The following ADCY2 variants were observed in gnomAD, a reference collection of about 807,000 sequenced individuals.
ADCY2 encodes adenylate cyclase 2, also known as adenylate cyclase type 2.
ADCY2 carries 31 observed loss-of-function variants against 125.2 expected under a neutral mutation model. That is an observed-to-expected ratio of 0.25 (90% confidence interval 0.19 to 0.33). The LOEUF (loss-of-function observed/expected upper bound fraction) is 0.33, where lower values mean the gene tolerates loss of function less well. Ranked by LOEUF, ADCY2 falls within the 10% of genes least tolerant of loss-of-function variation. ADCY2 has a pLI of 1.00. For synonymous variants in ADCY2, 512 were observed against 548.4 expected (o/e 0.93, Z 0.93); for missense variants, 904 against 1,418.2 (o/e 0.64, Z 5.82).
At position 7,703,596 on chromosome 5, in the gene ADCY2, G is replaced by A. The variant is rs907031444; in HGVS notation, c.1110-3148G>A. On this transcript the variant is annotated intron_variant, in intron 7 of 24. Coordinates refer to ENST00000338316, the MANE Select transcript of ADCY2 (RefSeq NM_020546.3). ...TCCGTTGGTCTATATCTCTGTTTTC[G>A]TACCAGTACCATGCTGTTTTGGTTA... Among the ~76,000 whole-genome samples the A allele has an allele frequency of 9.7e-4, 147 of 152,086 alleles. 3 individuals carry two copies. The highest frequency in any genetic ancestry group is 3.4e-3 in the African/African-American group (139 of 41,468).
At chr5:7,455,936 G>A (rs1741653142) in intron 2 of ADCY2, among the ~76,000 whole-genome samples, 1 of 148,818 alleles carries the variant, frequency 6.7e-6, no homozygotes, top group South Asian at 2.1e-4. Flanking sequence ...TATTAGGAAA[G>A]CATAGTAGGA....
At chr5:7,595,418 A>AT (rs556640694) in intron 3 of ADCY2, among the ~76,000 whole-genome samples, 2 of 152,182 alleles carry the variant, frequency 1.3e-5, no homozygotes, top group African/African-American at 2.4e-5. Context: ...ATTTAAATCT[A>AT]TTTTTTCCAA....
chr5:7,490,163 T>C (rs1743106569), intron 2 of ADCY2, among the ~76,000 whole-genome samples: 4 of 152,224 alleles, frequency 2.6e-5, no homozygotes, highest in Admixed American at 2.6e-4. Context: ...GATTAAAATA[T>C]ACATAATTGA....
At chr5:7,675,143 G>A in intron 4 of ADCY2, among the ~76,000 whole-genome samples, 1 of 149,424 alleles carries the variant, frequency 6.7e-6, no homozygotes, top group East Asian at 2.0e-4. Flanking sequence ...GGGTGAAAGA[G>A]TGATACTCTG....
intron 4 of ADCY2, among the ~76,000 whole-genome samples, chr5:7,682,937 C>T (rs1345877028): frequency 2.6e-5 from 4 of 152,178 alleles, no homozygotes; most frequent in Non-Finnish European, 5.9e-5. Flanking sequence ...CTTTTAGAGA[C>T]ATGACCTCTG....
At chr5:7,561,940 C>T (rs987653344) in intron 3 of ADCY2, among the ~76,000 whole-genome samples, 5 of 152,126 alleles carry the variant, frequency 3.3e-5, no homozygotes, top group East Asian at 1.9e-4. Flanking sequence ...TCAGGAATAT[C>T]GTATTGCACA....
rs143163059 is a variant in ADCY2 at position 7,704,125 on chromosome 5, G to C, written c.1110-2619G>C. On this transcript the variant is annotated intron_variant, in intron 7 of 24. Coordinates refer to ENST00000338316, the MANE Select transcript of ADCY2 (RefSeq NM_020546.3). The stretch of plus-strand genomic sequence containing the variant: ...CATCCTCTCTCCCATGCAAGGATGT[G>C]CATTTCCATTCCCATTCATTGAGCC... 1.7e-3 allele frequency among the ~76,000 whole-genome samples: 256 copies of C among 152,230 alleles called. 3 individuals carry two copies. Among genetic ancestry groups the C allele is most frequent in the African/African-American group, 5.8e-3 (239 of 41,490 alleles).
At chr5:7,698,214 A>T (rs1740957277) in intron 6 of ADCY2, 33 bp from the exon 7 acceptor site, 3 of 1,612,606 alleles carry the variant, frequency 1.9e-6, no homozygotes, top group Non-Finnish European at 2.5e-6. Flanking sequence ...CAAGTGCTTA[A>T]TGCAACTGAA....
At chr5:7,535,500 A>G (rs886305551) in intron 3 of ADCY2, among the ~76,000 whole-genome samples, 15 of 152,318 alleles carry the variant, frequency 9.8e-5, no homozygotes. Flanking sequence ...TTCTTGTTGC[A>G]TTCACCATCT....
chr5:7,676,723 T>A (rs1425979361), intron 4 of ADCY2, among the ~76,000 whole-genome samples: 2 of 152,234 alleles, frequency 1.3e-5, no homozygotes, highest in Non-Finnish European at 2.9e-5. Context: ...ATAATTTGCG[T>A]ATTCACCCTA....
chr5:7,620,430 G>A (rs2126652387), intron 3 of ADCY2, among the ~76,000 whole-genome samples: 1 of 152,252 alleles, frequency 6.6e-6, no homozygotes, highest in South Asian at 2.1e-4. Flanking sequence ...CTCATTTGGA[G>A]GGACTTCAAA....
intron 7 of ADCY2, among the ~76,000 whole-genome samples, chr5:7,702,933 G>T (rs1365052860): frequency 1.3e-5 from 2 of 152,330 alleles, no homozygotes; most frequent in Admixed American, 1.3e-4. Flanking sequence ...ACTGGTGTGA[G>T]TTGGTATCTC....
chr5:7,443,819 G>A (rs1297816715), intron 2 of ADCY2, among the ~76,000 whole-genome samples: 1 of 151,748 alleles, frequency 6.6e-6, no homozygotes, highest in Non-Finnish European at 1.5e-5. Context: ...AAATACATAG[G>A]GTCGGAATAT....
rs148679721 is a variant in ADCY2 at position 7,482,078 on chromosome 5, TCCTGA to T, written c.409-38658_409-38654del. On this transcript the variant is annotated intron_variant, in intron 2 of 24. Coordinates refer to ENST00000338316, the MANE Select transcript of ADCY2 (RefSeq NM_020546.3). ...AGTCTGTCACTATGTGTATTTTCCC[TCCTGA>T]CTCAGAAATGGTATAAGATTTAAAT... 6.5e-3 allele frequency among the ~76,000 whole-genome samples: 983 copies of T among 152,306 alleles called. 6 individuals are homozygous for T. Among genetic ancestry groups the T allele is most frequent in the African/African-American group, 0.023 (956 of 41,566 alleles).
At chr5:7,668,909 A>G (rs1739842847) in intron 4 of ADCY2, among the ~76,000 whole-genome samples, 1 of 152,220 alleles carries the variant, frequency 6.6e-6, no homozygotes, top group Non-Finnish European at 1.5e-5. Context: ...CCATAGCTCC[A>G]GTCTTTACTA....
chr5:7,443,636 T>G (rs1579448542), intron 2 of ADCY2, among the ~76,000 whole-genome samples: 5 of 70,652 alleles, frequency 7.1e-5, no homozygotes, highest in South Asian at 6.9e-4. Context: ...TAAGACTCTG[T>G]CTCAAAAAAA....
chr5:7,431,617 TATGAAA>T (rs994728285), intron 2 of ADCY2, among the ~76,000 whole-genome samples: 2 of 151,938 alleles, frequency 1.3e-5, no homozygotes, highest in African/African-American at 2.4e-5. Flanking sequence ...AGGGCATTGT[TATGAAA>T]ATGAAAATGA....
At chr5:7,483,517 T>C (rs1742813438) in intron 2 of ADCY2, among the ~76,000 whole-genome samples, 1 of 152,128 alleles carries the variant, frequency 6.6e-6, no homozygotes, top group African/African-American at 2.4e-5. Flanking sequence ...CATGTAAAAA[T>C]GTAAGAGGGT....
intron 22 of ADCY2, among the ~76,000 whole-genome samples, chr5:7,810,156 G>T (rs1307826079): frequency 6.6e-6 from 1 of 152,066 alleles, no homozygotes; most frequent in African/African-American, 2.4e-5. Flanking sequence ...GTAGAGTTTT[G>T]CTTTTTTTTA....
Sources: gnomAD v4.1 joint callset for allele counts (sites outside exome capture counted in the v4.1 genomes callset) on GRCh38, gnomAD v4.1.1 for gene constraint, MANE v1.5 for transcripts, NCBI Gene and HGNC (gene_info 2026-07-23, HGNC 2026-07-21) for gene names.